Variants in SAMD8 observed in about 807,000 individuals in gnomAD.
The protein encoded by SAMD8 is sphingomyelin synthase-related protein 1.
SAMD8 carries 20 observed loss-of-function variants against 42.0 expected under a neutral mutation model. The observed-to-expected ratio is 0.48, with a 90% CI of 0.34 to 0.69. The LOEUF is 0.69. Among genes scored for constraint, SAMD8 ranks in the 30% least tolerant of loss-of-function variants. SAMD8 has a pLI of 0.01. For missense variants in SAMD8, 328 were observed against 511.6 expected (o/e 0.64, Z 3.46); for synonymous variants, 162 against 173.0 (o/e 0.94, Z 0.50).
intron 1 of SAMD8, chr10:75,101,777 C>A: frequency 6.2e-6 from 5 of 808,566 alleles, no homozygotes; most frequent in Non-Finnish European, 7.6e-6. Context: ...CCCCACCCCT[C>A]CCCACACAGG....
rs1471532605 is a variant in SAMD8 at position 75,177,753 on chromosome 10, T to C, written c.*1061T>C. ...GAAAAAGTTTCGTTGTTTTTTACTT[T>C]TAAATATAATGGTGTATATACATTC... On this transcript the variant is annotated 3_prime_UTR_variant, in exon 6 of 6. Transcript: ENST00000542569. 6.6e-6 allele frequency: 1 copy of C among 152,134 alleles called. No individual in the cohort carries two copies. Among genetic ancestry groups the C allele is most frequent in the African/African-American group, 2.4e-5 (1 of 41,362 alleles). 9.4% of individuals were successfully genotyped at this position (152,134 alleles called of 1,614,324 possible).
At chr10:75,131,582 A>G (rs1173319299) in intron 1 of SAMD8, among the ~76,000 whole-genome samples, 1 of 152,180 alleles carries the variant, frequency 6.6e-6, no homozygotes, top group Non-Finnish European at 1.5e-5. Context: ...GATTATTAAA[A>G]ATAACTGATC....
chr10:75,171,667 A>G (rs373939723), intron 4 of SAMD8, among the ~76,000 whole-genome samples: 11 of 152,306 alleles, frequency 7.2e-5, no homozygotes, highest in African/African-American at 2.6e-4. Context: ...GCACTTACTC[A>G]GTTATCTCCT....
intron 1 of SAMD8, among the ~76,000 whole-genome samples, chr10:75,127,956 C>T (rs537419689): frequency 3.9e-5 from 6 of 152,240 alleles, no homozygotes; most frequent in East Asian, 1.9e-4. Context: ...AACCCTTTAC[C>T]GGTCTTTACT....
In SAMD8 at chr10:75,142,341, A is replaced by G. The variant is rs145957190; in HGVS notation, c.-15-8173A>G. On this transcript the variant is annotated intron_variant, in intron 1 of 5. Transcript: ENST00000542569. Reference sequence around the variant, plus strand: ...TCTTGGTGGTATTATTTTAGCTGATATTAGTGGATTTCCATTTCTCCCAAC... The same window carrying G: ...TCTTGGTGGTATTATTTTAGCTGATGTTAGTGGATTTCCATTTCTCCCAAC... 3.7e-3 allele frequency among the ~76,000 whole-genome samples: 565 copies of G among 152,180 alleles called. 1 individual carries two copies. The highest frequency in any genetic ancestry group is 0.011 in the African/African-American group (452 of 41,522).
chr10:75,163,900 T>C (rs1428366437), intron 2 of SAMD8, among the ~76,000 whole-genome samples: 1 of 151,402 alleles, frequency 6.6e-6, no homozygotes, highest in Non-Finnish European at 1.5e-5. Flanking sequence ...CAAGGGGGGA[T>C]AGAGAGAAAG....
chr10:75,157,784 T>C (rs1840447870), intron 2 of SAMD8, among the ~76,000 whole-genome samples: 1 of 152,122 alleles, frequency 6.6e-6, no homozygotes, highest in African/African-American at 2.4e-5. Context: ...TTAAGCAGGG[T>C]TGAGTATTGC....
rs542300652 is a variant in SAMD8, at chr10:75,180,189, T to C, written c.*3497T>C. The C allele has an allele frequency of 6.6e-6, 1 of 152,338 alleles. No individual in the cohort carries two copies. Among genetic ancestry groups the C allele is most frequent in the South Asian group, 2.1e-4 (1 of 4,820 alleles). 9.4% of individuals were successfully genotyped at this position (152,338 alleles called of 1,614,324 possible). On this transcript the variant is annotated 3_prime_UTR_variant, in exon 6 of 6. Coordinates refer to ENST00000542569, the MANE Select transcript of SAMD8 (RefSeq NM_001174156.2). ...ATTCTTTATGTGGCTATCCTCTCCA[T>C]AGTTTTCTGACCAGAATTGCAAGGG...
chr10:75,136,694 A>G (rs945964550), intron 1 of SAMD8, among the ~76,000 whole-genome samples: 1 of 152,198 alleles, frequency 6.6e-6, no homozygotes, highest in Admixed American at 6.5e-5. Context: ...TAGGAGGCCA[A>G]CATGAAATGC....
chr10:75,154,227 TG>T (rs981931787), intron 2 of SAMD8, among the ~76,000 whole-genome samples: 16 of 152,302 alleles, frequency 1.1e-4, no homozygotes, highest in African/African-American at 3.8e-4. Flanking sequence ...ATTTGAGCAA[TG>T]GGGAAAACTG....
intron 1 of SAMD8, among the ~76,000 whole-genome samples, chr10:75,130,561 C>G (rs1276053042): frequency 6.6e-6 from 1 of 152,058 alleles, no homozygotes. Flanking sequence ...GATTTAGTAG[C>G]TTTATTTTCA....
intron 1 of SAMD8, chr10:75,105,713 G>A (rs1453940612): frequency 3.2e-6 from 5 of 1,553,132 alleles, no homozygotes; most frequent in Non-Finnish European, 4.4e-6. Flanking sequence ...AGCCTGCAGA[G>A]CTGGTGCAGG....
intron 4 of SAMD8, among the ~76,000 whole-genome samples, chr10:75,174,430 CTTTTTT>C (rs1159237277): frequency 9.7e-6 from 1 of 102,760 alleles, no homozygotes; most frequent in Non-Finnish European, 2.0e-5. Context: ...TGCCTGGCCT[CTTTTTT>C]TTTTTTTTTT....
At chr10:75,154,746 T>C (rs1840371831) in intron 2 of SAMD8, among the ~76,000 whole-genome samples, 1 of 152,170 alleles carries the variant, frequency 6.6e-6, no homozygotes, top group Non-Finnish European at 1.5e-5. Context: ...GATTTTAGAT[T>C]GGATGAGAAC....
intron 1 of SAMD8, among the ~76,000 whole-genome samples, chr10:75,122,943 C>G (rs943187909): frequency 7.2e-5 from 11 of 152,116 alleles, no homozygotes; most frequent in Non-Finnish European, 1.6e-4. Context: ...CCTTGCATCC[C>G]TGGAATGAAC....
chr10:75,111,382 A>G (rs1848763383), upstream of SAMD8: 7 of 633,732 alleles, frequency 1.1e-5, no homozygotes, highest in East Asian at 2.6e-4. Context: ...CCGCGGCAGC[A>G]TCTCGGTTCT....
At chr10:75,156,266 A>C (rs1564690363) in intron 2 of SAMD8, among the ~76,000 whole-genome samples, 1 of 152,168 alleles carries the variant, frequency 6.6e-6, no homozygotes. Context: ...CACGAAAATG[A>C]ACTAGACCAG....
At chr10:75,118,745 T>A (rs1848938945) in intron 1 of SAMD8, among the ~76,000 whole-genome samples, 1 of 152,200 alleles carries the variant, frequency 6.6e-6, no homozygotes, top group South Asian at 2.1e-4. Flanking sequence ...AATTTTAAAA[T>A]AGTATGGAAA....
intron 3 of SAMD8, among the ~76,000 whole-genome samples, chr10:75,165,429 G>C (rs952100190): frequency 6.6e-6 from 1 of 151,826 alleles, no homozygotes; most frequent in South Asian, 2.1e-4. Flanking sequence ...CCAGCACTTT[G>C]GGAGGGCAAG....
Sources: allele counts gnomAD v4.1 joint callset (sites outside exome capture counted in the v4.1 genomes callset), GRCh38; gene constraint gnomAD v4.1.1; transcripts MANE v1.5; gene names NCBI Gene and HGNC (gene_info 2026-07-23, HGNC 2026-07-21).